Variants in SORCS1 observed in about 807,000 individuals in gnomAD.
SORCS1 encodes VPS10 domain-containing receptor SorCS1.
Under a neutral mutation model 146.1 loss-of-function variants are expected in SORCS1, and 60 were observed. The ratio of observed to expected loss-of-function variants is 0.41; its 90% CI spans 0.33 to 0.51. The LOEUF (loss-of-function observed/expected upper bound fraction) is 0.51, where lower values mean the gene tolerates loss of function less well. Ranked by LOEUF, SORCS1 falls within the 20% of genes least tolerant of loss-of-function variation. The pLI, the probability that SORCS1 is intolerant of heterozygous loss-of-function variation, is 0.21. For synonymous variants in SORCS1, 637 were observed against 584.0 expected, an observed-to-expected ratio of 1.09 and a Z score of -1.31; for missense variants, 1,352 against 1,487.6, an observed-to-expected ratio of 0.91 and a Z score of 1.50.
chr10:106,754,946 C>G (rs546863355), intron 5 of SORCS1, among the ~76,000 whole-genome samples: 2 of 152,296 alleles, frequency 1.3e-5, no homozygotes, highest in Admixed American at 1.3e-4. Flanking sequence ...AAGGCTGAAC[C>G]TATTTTTAAT....
chr10:106,931,317 G>A (rs1953403935), intron 2 of SORCS1, among the ~76,000 whole-genome samples: 1 of 152,124 alleles, frequency 6.6e-6, no homozygotes, highest in Non-Finnish European at 1.5e-5. Flanking sequence ...AAGAAACGTG[G>A]TCCTACCATC....
At chr10:106,735,251 T>C (rs1856869412) in intron 5 of SORCS1, among the ~76,000 whole-genome samples, 3 of 152,058 alleles carry the variant, frequency 2.0e-5, no homozygotes, top group Admixed American at 2.0e-4. Context: ...AATGAGTCAA[T>C]GGCTCAGAGA....
chr10:107,013,395 T>C (rs1019422998), intron 1 of SORCS1, among the ~76,000 whole-genome samples: 1 of 152,010 alleles, frequency 6.6e-6, no homozygotes, highest in African/African-American at 2.4e-5. Context: ...AGATGGAACC[T>C]GACACCAAGC....
chr10:106,756,946 C>G (rs1020547695), intron 5 of SORCS1, among the ~76,000 whole-genome samples: 1 of 152,134 alleles, frequency 6.6e-6, no homozygotes, highest in East Asian at 1.9e-4. Context: ...TAAACCCATA[C>G]TTTTAGCCAG....
At chr10:107,096,731 C>T (rs1424831497) in intron 1 of SORCS1, among the ~76,000 whole-genome samples, 1 of 152,066 alleles carries the variant, frequency 6.6e-6, no homozygotes, top group Non-Finnish European at 1.5e-5. Context: ...AGGCTGGTCT[C>T]GAACTCCTGA....
At chr10:106,908,697 T>G (rs78241401) in intron 2 of SORCS1, among the ~76,000 whole-genome samples, 2,016 of 152,264 alleles carry the variant, frequency 0.013, 49 homozygotes, top group African/African-American at 0.046. Flanking sequence ...AGCATGCCAT[T>G]AACAATGGAG....
rs554419015 is a variant in SORCS1 at position 106,633,736 on chromosome 10, C to A, written c.2476-4348G>T. ...ATGCACCTTTCTGTCAAAATTAACT[C>A]TCATAGTTTATTGGTTTTGAAATCA... On this transcript the variant is annotated intron_variant, in intron 18 of 25. Transcript: ENST00000263054. Among the ~76,000 whole-genome samples, 84 of 152,298 alleles carry A rather than the reference C, an allele frequency of 5.5e-4. 1 individual carries two copies. The Middle Eastern group carries it at 0.01, about 19-fold the overall frequency.
chr10:106,594,942 G>A (rs113908357), intron 24 of SORCS1, among the ~76,000 whole-genome samples: 1,528 of 152,262 alleles, frequency 0.01, 31 homozygotes, highest in African/African-American at 0.035. Flanking sequence ...TTTTTAAAAC[G>A]ATATTCAGTG....
At chr10:106,851,474 G>T (rs1949569866) in intron 2 of SORCS1, among the ~76,000 whole-genome samples, 1 of 152,134 alleles carries the variant, frequency 6.6e-6, no homozygotes, top group African/African-American at 2.4e-5. Context: ...TTTCCTCATT[G>T]CATGGGCTTT....
intron 2 of SORCS1, among the ~76,000 whole-genome samples, chr10:106,950,524 G>A (rs1954623876): frequency 6.6e-6 from 1 of 152,110 alleles, no homozygotes; most frequent in South Asian, 2.1e-4. Flanking sequence ...TCAGGAGTAA[G>A]GCAATTGCTG....
chr10:107,034,148 T>G (rs1464290755), intron 1 of SORCS1, among the ~76,000 whole-genome samples: 2 of 152,148 alleles, frequency 1.3e-5, no homozygotes, highest in Non-Finnish European at 2.9e-5. Context: ...TTGTCACATC[T>G]GGAAGCACCC....
At chr10:107,181,013 A>C in the SORCS1 span, among the ~76,000 whole-genome samples, 3 of 152,230 alleles carry the variant, frequency 2.0e-5, no homozygotes, top group Admixed American at 2.0e-4. Context: ...AGGTACAGTA[A>C]AAATACTGTA....
At chr10:106,819,346 T>G (rs545279814) in intron 3 of SORCS1, among the ~76,000 whole-genome samples, 1 of 152,316 alleles carries the variant, frequency 6.6e-6, no homozygotes, top group African/African-American at 2.4e-5. Flanking sequence ...TTAGCTGGAA[T>G]TTAAGGCCAG....
At position 106,617,436 on chromosome 10, in the gene SORCS1, A is replaced by G. The variant is rs1302568221; in HGVS notation, c.2920+713T>C. Reference sequence around the variant, plus strand: ...TTTTTGCCATGTACTAGTAACACTTAGTGCATATCCATATGACTATCTTTC... The same window carrying G: ...TTTTTGCCATGTACTAGTAACACTTGGTGCATATCCATATGACTATCTTTC... On this transcript the variant is annotated intron_variant, in intron 21 of 25. Transcript: ENST00000263054. 3.3e-5 allele frequency among the ~76,000 whole-genome samples: 5 copies of G among 152,220 alleles called. No individual in the cohort carries two copies. The East Asian group carries it at 9.6e-4, about 29-fold the overall frequency.
intron 1 of SORCS1, among the ~76,000 whole-genome samples, chr10:107,163,646 T>C (rs1765584783): frequency 1.3e-5 from 2 of 152,328 alleles, no homozygotes; most frequent in African/African-American, 4.8e-5. Flanking sequence ...TTCATCTCTG[T>C]ATTAGGAGAA....
At chr10:106,762,968 G>A (rs760461725) in intron 4 of SORCS1, among the ~76,000 whole-genome samples, 7 of 151,946 alleles carry the variant, frequency 4.6e-5, no homozygotes, top group Non-Finnish European at 7.4e-5. Context: ...GAGAGTATCC[G>A]CTTCTCTCTC....
chr10:106,579,857 G>T (rs934735692), intron 24 of SORCS1, among the ~76,000 whole-genome samples: 3 of 151,992 alleles, frequency 2.0e-5, no homozygotes, highest in Non-Finnish European at 4.4e-5. Context: ...TGTATGTTAC[G>T]CATTGAGAAA....
chr10:106,767,560 C>T (rs1442856609), intron 4 of SORCS1, among the ~76,000 whole-genome samples: 1 of 152,178 alleles, frequency 6.6e-6, no homozygotes, highest in Non-Finnish European at 1.5e-5. Context: ...GCCATCTCGG[C>T]TCACTGCAAC....
At chr10:106,831,111 T>A (rs971569042) in intron 2 of SORCS1, among the ~76,000 whole-genome samples, 3 of 152,008 alleles carry the variant, frequency 2.0e-5, no homozygotes, top group Non-Finnish European at 2.9e-5. Context: ...GAGAACTGAT[T>A]AAACCCGGGA....
Sources: allele counts gnomAD v4.1 joint callset (sites outside exome capture counted in the v4.1 genomes callset), GRCh38; gene constraint gnomAD v4.1.1; transcripts MANE v1.5; gene names NCBI Gene and HGNC (gene_info 2026-07-23, HGNC 2026-07-21).